PER2: variants seen among roughly 807,000 people sequenced by gnomAD.
The protein encoded by PER2 is period circadian protein homolog 2.
Under a neutral mutation model 121.0 loss-of-function variants are expected in PER2, and 66 were observed. That is an observed-to-expected ratio of 0.55 (90% confidence interval 0.45 to 0.67). The LOEUF (loss-of-function observed/expected upper bound fraction) is 0.67, where lower values mean the gene tolerates loss of function less well. PER2 is among the 30% of genes least tolerant of loss of function. PER2 has a pLI of 0.00. For synonymous variants in PER2, 684 were observed against 659.9 expected (o/e 1.04, Z -0.56); for missense variants, 1,521 against 1,635.0 (o/e 0.93, Z 1.20).
chr2:238,271,628 C>G (rs1696291480), intron 5 of PER2, 115 bp from the exon 6 acceptor site: 1 of 771,814 alleles, frequency 1.3e-6, no homozygotes, highest in Non-Finnish European at 2.3e-6. Context: ...AGGTGGGGGG[C>G]TCTCTGACTC....
intron 1 of PER2, among the ~76,000 whole-genome samples, chr2:238,280,758 A>C (rs1696604279): frequency 6.6e-6 from 1 of 152,232 alleles, no homozygotes; most frequent in African/African-American, 2.4e-5. Flanking sequence ...AATAAAACAG[A>C]AACCATAATG....
intron 9 of PER2, 63 bp from the exon 10 acceptor site, chr2:238,263,121 G>T: frequency 1.0e-6 from 1 of 975,636 alleles, no homozygotes. Flanking sequence ...TTGTCACTAA[G>T]AACCATCTTA....
At chr2:238,275,336 C>T (rs1050942865) in intron 4 of PER2, among the ~76,000 whole-genome samples, 1 of 152,196 alleles carries the variant, frequency 6.6e-6, no homozygotes, top group Non-Finnish European at 1.5e-5. Flanking sequence ...CTCGTCACAA[C>T]AGACCAACAC....
chr2:238,257,576 C>T (rs1172858831), intron 16 of PER2, among the ~76,000 whole-genome samples: 2 of 152,240 alleles, frequency 1.3e-5, no homozygotes, highest in African/African-American at 4.8e-5. Context: ...CAGGTACAAG[C>T]CATTCTCCTG....
intron 1 of PER2, among the ~76,000 whole-genome samples, chr2:238,281,598 C>T (rs918582611): frequency 1.3e-5 from 2 of 152,176 alleles, no homozygotes; most frequent in African/African-American, 2.4e-5. Flanking sequence ...CTAGGCCATT[C>T]CCACAAAGAG....
intron 1 of PER2, among the ~76,000 whole-genome samples, chr2:238,279,699 T>C (rs1696571635): frequency 6.6e-6 from 1 of 152,132 alleles, no homozygotes; most frequent in Non-Finnish European, 1.5e-5. Context: ...TGGGAGAGCC[T>C]CCCCTTCCAC....
intron 6 of PER2, among the ~76,000 whole-genome samples, chr2:238,271,104 T>C (rs1668316873): frequency 6.6e-6 from 1 of 152,234 alleles, no homozygotes; most frequent in African/African-American, 2.4e-5. Flanking sequence ...CTCTGAAATG[T>C]ATGGAAAGAC....
chr2:238,253,086 C>T lies in PER2; in HGVS notation c.2937G>A (p.Pro979=), dbSNP rs374245651. 9.9e-6 allele frequency: 16 copies of T among 1,611,398 alleles called. No homozygotes were observed. The highest frequency in any genetic ancestry group is 5.3e-5 in the African/African-American group (4 of 74,956). The change falls in exon 19 of 23, where the codon CCG becomes CCA. Residue 979 remains proline (P), a synonymous_variant. Coordinates refer to ENST00000254657, the MANE Select transcript of PER2 (RefSeq NM_022817.3). The surrounding 1 kb of genome is among the most constrained non-coding windows in gnomAD (Gnocchi z 5.6). ...GCGAGCTGCTGCGGGACTGAAAGAG[C>T]GGTGGGGAGGCCCTACCCATGGCCG... ...PPSAMGRASP[P]LFQSRSSSPL... is the part of the protein sequence containing the mutation.
In PER2 at chr2:238,262,289, C is replaced by G. The variant is rs746231837; in HGVS notation, c.1209G>C (p.Arg403=). The change falls in exon 11 of 23, where the codon CGG becomes CGC. Residue 403 remains arginine (R), a synonymous_variant. Coordinates refer to ENST00000254657, the MANE Select transcript of PER2 (RefSeq NM_022817.3). The stretch of plus-strand genomic sequence containing the variant: ...TGTCCAACGTGATGTACTCTCCGTT[C>G]CGGGCGCGAAACCGAATGGGAGAAT... ...FDYSPIRFRA[R]NGEYITLDTS... 2.5e-6 allele frequency: 4 copies of G among 1,613,878 alleles called. No individual in the cohort carries two copies. The highest frequency in any genetic ancestry group is 3.4e-6 in the Non-Finnish European group (4 of 1,179,932).
intron 6 of PER2, among the ~76,000 whole-genome samples, chr2:238,269,788 G>GA (rs1203606535): frequency 1.3e-5 from 2 of 152,250 alleles, no homozygotes; most frequent in Non-Finnish European, 1.5e-5. Context: ...CATTGACAAA[G>GA]AAAGCTGTGG....
chr2:238,285,064 C>T lies in PER2; in HGVS notation c.-20+3285G>A, dbSNP rs563140390. On this transcript the variant is annotated intron_variant, in intron 1 of 22. Transcript: ENST00000254657. ...CTTATGTGCTCAGGGTACCAAAGCC[C>T]AGGAGGGAAAATGGCAGCCTGGTTG... is the stretch of plus-strand genomic sequence containing the variant. Among the ~76,000 whole-genome samples the T allele has an allele frequency of 8.4e-4, 128 of 152,308 alleles. 1 individual carries two copies. The highest frequency in any genetic ancestry group is 2.9e-3 in the African/African-American group (119 of 41,560).
In PER2 at chr2:238,246,345, G is replaced by A. The variant is rs372988688; in HGVS notation, c.*30C>T. The A allele has an allele frequency of 2.0e-5, 31 of 1,555,548 alleles. No homozygotes were observed. Among genetic ancestry groups the A allele is most frequent in the African/African-American group, 4.1e-5 (3 of 73,482 alleles). On this transcript the variant is annotated 3_prime_UTR_variant, in exon 23 of 23. Coordinates refer to ENST00000254657, the MANE Select transcript of PER2 (RefSeq NM_022817.3). ...TTCCAAGCACCACCTGGTGTACCTCGCTGGCTGCCGGGCTGAGGTGGGGCA... is the reference window on the plus strand; with the variant it reads ...TTCCAAGCACCACCTGGTGTACCTCACTGGCTGCCGGGCTGAGGTGGGGCA...
intron 21 of PER2, among the ~76,000 whole-genome samples, chr2:238,249,555 G>A (rs1695544302): frequency 6.6e-6 from 1 of 152,212 alleles, no homozygotes; most frequent in Non-Finnish European, 1.5e-5. Flanking sequence ...CCACTGGCCT[G>A]TGCTGGGCTG....
At chr2:238,262,103 CCCTATG>C (rs1695951091) in intron 11 of PER2, 82 bp downstream of exon 11, 1 of 1,302,038 alleles carries the variant, frequency 7.7e-7, no homozygotes, top group African/African-American at 1.5e-5. Flanking sequence ...CTCAGCCCCT[CCCTATG>C]CCATCTGTTG....
intron 4 of PER2, among the ~76,000 whole-genome samples, chr2:238,275,094 C>T (rs1478192034): frequency 6.6e-6 from 1 of 152,220 alleles, no homozygotes; most frequent in Non-Finnish European, 1.5e-5. Context: ...TTTGAAACGA[C>T]TGATAATAGA....
At chr2:238,255,520 A>T (rs1695733099) in intron 18 of PER2, 137 bp downstream of exon 18, 1 of 904,150 alleles carries the variant, frequency 1.1e-6, no homozygotes, top group Non-Finnish European at 1.8e-6. Flanking sequence ...TGGCGTTGCC[A>T]GGGAAGTTCC....
chr2:238,274,081 C>T (rs80136044), intron 4 of PER2, among the ~76,000 whole-genome samples: 20,203 of 152,254 alleles, frequency 0.13, 1,487 homozygotes, highest in Admixed American at 0.18. Flanking sequence ...CCAGGCAGAA[C>T]TGACTGCTTA....
intron 1 of PER2, among the ~76,000 whole-genome samples, chr2:238,282,418 G>T (rs987637300): frequency 7.2e-5 from 11 of 152,180 alleles, no homozygotes; most frequent in African/African-American, 2.7e-4. Flanking sequence ...CATGGGGGCA[G>T]GGGTTTGCGT....
chr2:238,276,984 T>A, intron 3 of PER2, 147 bp downstream of exon 3: 1 of 759,762 alleles, frequency 1.3e-6, no homozygotes, highest in African/African-American at 1.7e-5. Context: ...AAGGCCAGAG[T>A]GAGGCTGGGT....
Sources: gnomAD v4.1 joint callset for allele counts (sites outside exome capture counted in the v4.1 genomes callset) on GRCh38, gnomAD v4.1.1 for gene constraint, Gnocchi (gnomAD v3.1) non-coding constraint, MANE v1.5 for transcripts, NCBI Gene and HGNC (gene_info 2026-07-23, HGNC 2026-07-21) for gene names.